KIF2A: variants seen among roughly 807,000 people sequenced by gnomAD.
The protein encoded by KIF2A is kinesin family member 2A.
In KIF2A, 22 loss-of-function variants were observed where a neutral mutation model predicts 100.2. The ratio of observed to expected loss-of-function variants is 0.22; its 90% confidence interval spans 0.16 to 0.31. KIF2A has a LOEUF of 0.31. KIF2A is among the 10% of genes least tolerant of loss of function. The pLI is 1.00. For missense variants in KIF2A, 495 were observed against 898.7 expected, an observed-to-expected ratio of 0.55 and a Z score of 5.74; for synonymous variants, 268 against 285.9, an observed-to-expected ratio of 0.94 and a Z score of 0.63.
intron 1 of KIF2A, among the ~76,000 whole-genome samples, chr5:62,307,910 G>A (rs1211601796): frequency 1.3e-5 from 2 of 152,140 alleles, no homozygotes; most frequent in African/African-American, 2.4e-5. Context: ...GAGCCATCGC[G>A]CCTGGCCTCG....
rs553672448 is a variant in KIF2A at position 62,345,576 on chromosome 5, T to C, written c.65-1554T>C. Among the ~76,000 whole-genome samples the C allele has an allele frequency of 7.2e-5, 11 of 152,156 alleles. No individual in the cohort carries two copies. The South Asian group carries it at 2.3e-3, about 32-fold the overall frequency. ...ATTTCAGCAGGCCAAGGCAGGTGGATTCCCTGAGCCCAGGAGTTTGAGACC... is the reference window on the plus strand; with the variant it reads ...ATTTCAGCAGGCCAAGGCAGGTGGACTCCCTGAGCCCAGGAGTTTGAGACC... On this transcript the variant is annotated intron_variant, in intron 1 of 20. Coordinates refer to ENST00000407818, the MANE Select transcript of KIF2A (RefSeq NM_001098511.3).
At chr5:62,368,170 C>T (rs895123660) in intron 16 of KIF2A, among the ~76,000 whole-genome samples, 1 of 152,078 alleles carries the variant, frequency 6.6e-6, no homozygotes, top group African/African-American at 2.4e-5. Context: ...CCCATGTGCT[C>T]CTTCCTGTTC....
intron 1 of KIF2A, among the ~76,000 whole-genome samples, chr5:62,324,497 G>A (rs889649434): frequency 3.3e-5 from 5 of 152,110 alleles, no homozygotes; most frequent in Admixed American, 3.3e-4. Context: ...GCGCGGTACC[G>A]ATATAAAAAC....
At chr5:62,375,645 T>G (rs1329936128) in intron 18 of KIF2A, among the ~76,000 whole-genome samples, 7 of 152,208 alleles carry the variant, frequency 4.6e-5, no homozygotes, top group Non-Finnish European at 8.8e-5. Context: ...TATTCTAGAG[T>G]AACAGATACA....
Position 62,363,724 on chromosome 5 carries a change from A to T in KIF2A, c.1292A>T (p.His431Leu). The T allele has an allele frequency of 5.0e-6, 8 of 1,613,966 alleles. No individual in the cohort carries two copies. The highest frequency in any genetic ancestry group is 6.8e-6 in the Non-Finnish European group (8 of 1,179,836). ...TCCGGTCAAACATCTGCAAATGCAC[A>T]TTCATCTCGGAGCCATGCAGTGTTT... Reference protein sequence around the residue: ...RTSGQTSANAHSSRSHAVFQI... With the variant: ...RTSGQTSANALSSRSHAVFQI... Residue 431 changes from histidine to leucine, a missense_variant, in exon 14 of 21, where the codon CAT (histidine) becomes CTT (leucine). By Grantham distance (99) the His-to-Leu change is moderately conservative (BLOSUM62 -3). Around this residue, in one of 10 missense-constraint regions of KIF2A, gnomAD observed 38 missense variants for 99.5 expected, o/e 0.38. Transcript: ENST00000407818.
chr5:62,365,252 A>C lies in KIF2A; in HGVS notation c.1477A>C (p.Arg493=). ...TTTTCTTAATTTTCAGGAGTGCATC[A>C]GAGCCTTAGGTAGAAATAAACCTCA... ...KSLLALKECI[R]ALGRNKPHTP... The change falls in exon 15 of 21, where the codon AGA becomes CGA. Residue 493 remains arginine (R), a synonymous_variant. Transcript: ENST00000407818. 6.3e-7 allele frequency: 1 copy of C among 1,578,738 alleles called. No individual in the cohort carries two copies. Among genetic ancestry groups the C allele is most frequent in the Non-Finnish European group, 8.7e-7 (1 of 1,154,978 alleles).
At chr5:62,316,367 CTTT>C (rs771726388) in intron 1 of KIF2A, among the ~76,000 whole-genome samples, 35 of 152,240 alleles carry the variant, frequency 2.3e-4, no homozygotes, top group Admixed American at 4.6e-4. Flanking sequence ...TGCAGCTGCT[CTTT>C]TTTACTTTTT....
intron 3 of KIF2A, 127 bp from the exon 4 acceptor site, chr5:62,349,939 T>A (rs1168997310): frequency 1.6e-6 from 1 of 610,440 alleles, no homozygotes; most frequent in Non-Finnish European, 2.9e-6. Flanking sequence ...AAGATTATAG[T>A]TTTTCTTCAT....
At chr5:62,364,559 T>TTA (rs1387813372) in intron 14 of KIF2A, among the ~76,000 whole-genome samples, 2 of 152,194 alleles carry the variant, frequency 1.3e-5, no homozygotes, top group African/African-American at 4.8e-5. Flanking sequence ...TTAGGCCAGG[T>TTA]TATTACATCT....
intron 1 of KIF2A, among the ~76,000 whole-genome samples, chr5:62,330,103 C>G (rs1746559414): frequency 6.6e-6 from 1 of 152,152 alleles, no homozygotes; most frequent in African/African-American, 2.4e-5. Flanking sequence ...GTAGACCCAG[C>G]ACTTTGGGAG....
chr5:62,310,587 C>T (rs925566741), intron 1 of KIF2A, among the ~76,000 whole-genome samples: 1 of 150,856 alleles, frequency 6.6e-6, no homozygotes, highest in Non-Finnish European at 1.5e-5. Flanking sequence ...CCCTCTACTT[C>T]CCGCTGGCCT....
chr5:62,366,166 C>T (rs904824451), intron 15 of KIF2A, among the ~76,000 whole-genome samples: 7 of 151,670 alleles, frequency 4.6e-5, no homozygotes, highest in African/African-American at 1.7e-4. Context: ...TATTCCCTTC[C>T]AGGTATTAAC....
intron 1 of KIF2A, chr5:62,308,453 C>T (rs1479093737): frequency 3.3e-6 from 3 of 917,214 alleles, no homozygotes; most frequent in Non-Finnish European, 5.2e-6. Context: ...CTCTCGCGTT[C>T]ATTGCAGCAT....
chr5:62,329,955 A>G (rs1161068015), intron 1 of KIF2A, among the ~76,000 whole-genome samples: 2 of 152,240 alleles, frequency 1.3e-5, no homozygotes, highest in East Asian at 1.9e-4. Flanking sequence ...ACTTGGAAAG[A>G]TGGCAGTAAA....
At chr5:62,309,221 A>G (rs908319188) in intron 1 of KIF2A, among the ~76,000 whole-genome samples, 1 of 152,186 alleles carries the variant, frequency 6.6e-6, no homozygotes, top group African/African-American at 2.4e-5. Flanking sequence ...CCTATACCAG[A>G]AGTTCCCAGA....
intron 20 of KIF2A, among the ~76,000 whole-genome samples, chr5:62,381,838 C>T (rs141974146): frequency 6.6e-6 from 1 of 152,236 alleles, no homozygotes; most frequent in African/African-American, 2.4e-5. Context: ...GGCGGGATTA[C>T]AGGCATGAGC....
chr5:62,338,284 G>A (rs1252534205), intron 1 of KIF2A, among the ~76,000 whole-genome samples: 1 of 152,004 alleles, frequency 6.6e-6, no homozygotes, highest in Non-Finnish European at 1.5e-5. Context: ...AATATGAAAG[G>A]TTTTGTAAAA....
intron 1 of KIF2A, among the ~76,000 whole-genome samples, chr5:62,331,265 G>C (rs1048190314): frequency 1.3e-5 from 2 of 152,176 alleles, no homozygotes; most frequent in Admixed American, 6.5e-5. Context: ...TACAGAATTA[G>C]CCAGGCGTGG....
intron 1 of KIF2A, among the ~76,000 whole-genome samples, chr5:62,336,203 C>G (rs1746937576): frequency 1.3e-5 from 2 of 151,960 alleles, no homozygotes; most frequent in South Asian, 4.1e-4. Flanking sequence ...AGTTTGATTC[C>G]TATAGGATGA....
Sources: gnomAD v4.1 joint callset for allele counts (sites outside exome capture counted in the v4.1 genomes callset) on GRCh38, gnomAD v4.1.1 for gene constraint, gnomAD v4.1.1 regional missense constraint, MANE v1.5 for transcripts, NCBI Gene and HGNC (gene_info 2026-07-23, HGNC 2026-07-21) for gene names.